Variants in CTNNA2 observed in about 807,000 individuals in gnomAD.
The protein encoded by CTNNA2 is catenin alpha 2, also known as catenin alpha-2.
A neutral mutation model predicts 101.0 loss-of-function variants in CTNNA2; 42 were observed. The ratio of observed to expected loss-of-function variants is 0.42; its 90% CI spans 0.32 to 0.54. The LOEUF (loss-of-function observed/expected upper bound fraction) is 0.54, where lower values mean the gene tolerates loss of function less well. CTNNA2 is among the 20% of genes least tolerant of loss of function. The probability of loss-of-function intolerance (pLI) is 0.14; values close to 1 mark genes in which losing one functional copy is unlikely to be tolerated. For missense variants in CTNNA2, 871 were observed against 1,223.1 expected, an observed-to-expected ratio of 0.71 and a Z score of 4.29; for synonymous variants, 450 against 456.4, an observed-to-expected ratio of 0.99 and a Z score of 0.18.
chr2:80,405,286 A>G (rs1033979147), intron 8 of CTNNA2, among the ~76,000 whole-genome samples: 12 of 152,104 alleles, frequency 7.9e-5, no homozygotes, highest in African/African-American at 2.7e-4. Flanking sequence ...TTTTTTTCCG[A>G]GTAGAGTATT....
At chr2:80,246,973 G>T (rs75072337) in intron 7 of CTNNA2, among the ~76,000 whole-genome samples, 3,208 of 152,152 alleles carry the variant, frequency 0.021, 114 homozygotes, top group African/African-American at 0.073. Context: ...ATTCCAAATG[G>T]GAAATATTTC....
chr2:80,222,451 C>T (rs1187247541), intron 7 of CTNNA2, among the ~76,000 whole-genome samples: 1 of 152,130 alleles, frequency 6.6e-6, no homozygotes, highest in Non-Finnish European at 1.5e-5. Flanking sequence ...CTCAGATCTT[C>T]TAGAGACTCA....
chr2:80,639,066 G>T (rs2149848888), intron 18 of CTNNA2, among the ~76,000 whole-genome samples: 1 of 152,282 alleles, frequency 6.6e-6, no homozygotes, highest in East Asian at 1.9e-4. Context: ...CCTCTTTTCT[G>T]TGTAATTGAT....
intron 10 of CTNNA2, 127 bp from the exon 11 acceptor site, chr2:80,545,780 C>A: frequency 1.2e-6 from 1 of 813,146 alleles, no homozygotes; most frequent in East Asian, 2.8e-5. Flanking sequence ...GATTGTCCTT[C>A]TGAACACCAA....
At chr2:80,545,341 G>A (rs762279494) in intron 10 of CTNNA2, among the ~76,000 whole-genome samples, 6 of 152,166 alleles carry the variant, frequency 3.9e-5, no homozygotes, top group Non-Finnish European at 7.3e-5. Context: ...GAGGCCAGGG[G>A]TTCAAGGCCA....
intron 11 of CTNNA2, among the ~76,000 whole-genome samples, chr2:80,552,004 T>C (rs937721894): frequency 2.6e-5 from 4 of 152,084 alleles, no homozygotes; most frequent in Non-Finnish European, 5.9e-5. Context: ...CTAATTTTAA[T>C]ATTGTTGCGT....
chr2:79,830,643 T>C (rs960174363), intron 3 of CTNNA2, among the ~76,000 whole-genome samples: 7 of 152,142 alleles, frequency 4.6e-5, no homozygotes, highest in Non-Finnish European at 1.0e-4. Flanking sequence ...GCAATATGGC[T>C]TCTCGCCTGA....
intron 4 of CTNNA2, among the ~76,000 whole-genome samples, chr2:79,426,751 T>C (rs1558664250): frequency 6.6e-6 from 1 of 152,276 alleles, no homozygotes; most frequent in Admixed American, 6.5e-5. Flanking sequence ...AACAAATCTC[T>C]TAAGGTCTAT....
intron 1 of CTNNA2, among the ~76,000 whole-genome samples, chr2:79,636,510 T>C (rs916795488): frequency 4.6e-5 from 7 of 151,904 alleles, no homozygotes; most frequent in African/African-American, 9.7e-5. Flanking sequence ...CAGGAGAGTA[T>C]AGTATTCTAT....
intron 4 of CTNNA2, among the ~76,000 whole-genome samples, chr2:79,417,715 A>G (rs1286489732): frequency 6.6e-6 from 1 of 152,086 alleles, no homozygotes; most frequent in African/African-American, 2.4e-5. Flanking sequence ...TCTACTATAA[A>G]TTATTTCATA....
intron 3 of CTNNA2, among the ~76,000 whole-genome samples, chr2:79,823,759 T>C (rs756971422): frequency 8.5e-5 from 13 of 152,186 alleles, no homozygotes; most frequent in Non-Finnish European, 1.9e-4. Flanking sequence ...ATATTGGTAA[T>C]AGAAAATGAC....
intron 6 of CTNNA2, among the ~76,000 whole-genome samples, chr2:79,884,876 G>A (rs572851737): frequency 6.6e-6 from 1 of 151,868 alleles, no homozygotes; most frequent in Non-Finnish European, 1.5e-5. Context: ...ACTGGTGCAC[G>A]GAAAAATAAT....
chr2:79,598,696 T>A (rs972877281), intron 1 of CTNNA2, among the ~76,000 whole-genome samples: 1 of 152,224 alleles, frequency 6.6e-6, no homozygotes, highest in Non-Finnish European at 1.5e-5. Context: ...TTTGGATATT[T>A]TGGATAACAG....
At chr2:80,177,540 A>G (rs1705471699) in intron 7 of CTNNA2, among the ~76,000 whole-genome samples, 1 of 152,016 alleles carries the variant, frequency 6.6e-6, no homozygotes, top group African/African-American at 2.4e-5. Flanking sequence ...CCCATGCATA[A>G]CCTCCATCTC....
chr2:79,864,252 ATT>A (rs1375593224), intron 4 of CTNNA2, among the ~76,000 whole-genome samples: 4 of 152,220 alleles, frequency 2.6e-5, no homozygotes, highest in Non-Finnish European at 4.4e-5. Context: ...CAGGCAACAG[ATT>A]TTAACTACAG....
chr2:80,143,395 A>G (rs536336118), intron 7 of CTNNA2, among the ~76,000 whole-genome samples: 1 of 152,310 alleles, frequency 6.6e-6, no homozygotes, highest in Admixed American at 6.5e-5. Flanking sequence ...CGAGCTAGTC[A>G]ATGTATCTGT....
intron 3 of CTNNA2, chr2:79,777,181 T>C (rs559099466): frequency 6.6e-6 from 1 of 152,250 alleles, no homozygotes; most frequent in South Asian, 2.1e-4. Context: ...AATCTAAAAA[T>C]AGGAACTGCT....
At chr2:79,343,694 C>G (rs1353364770) in intron 3 of CTNNA2, among the ~76,000 whole-genome samples, 3 of 150,832 alleles carry the variant, frequency 2.0e-5, no homozygotes, top group Non-Finnish European at 4.4e-5. Context: ...ATTGACCTAA[C>G]CCTGTAACAA....
intron 7 of CTNNA2, among the ~76,000 whole-genome samples, chr2:79,913,149 T>C (rs1171099790): frequency 6.6e-6 from 1 of 152,090 alleles, no homozygotes; most frequent in Non-Finnish European, 1.5e-5. Context: ...TCACTTCAGA[T>C]AGTGATATAT....
Sources: gnomAD v4.1 joint callset for allele counts (sites outside exome capture counted in the v4.1 genomes callset) on GRCh38, gnomAD v4.1.1 for gene constraint, MANE v1.5 for transcripts, NCBI Gene and HGNC (gene_info 2026-07-23, HGNC 2026-07-21) for gene names.